The following ST8SIA4 variants were observed in gnomAD, a reference collection of about 807,000 sequenced individuals.
The protein encoded by ST8SIA4 is CMP-N-acetylneuraminate-poly-alpha-2,8-sialyltransferase.
Under a neutral mutation model 33.9 loss-of-function variants are expected in ST8SIA4, and 15 were observed. That is an observed-to-expected ratio of 0.44 (90% CI 0.30 to 0.68). The LOEUF (loss-of-function observed/expected upper bound fraction) is 0.68, where lower values mean the gene tolerates loss of function less well. Among genes scored for constraint, ST8SIA4 ranks in the 30% least tolerant of loss-of-function variants. The probability of loss-of-function intolerance (pLI) is 0.10; values close to 1 mark genes in which losing one functional copy is unlikely to be tolerated. For missense variants in ST8SIA4, 321 were observed against 428.0 expected (o/e 0.75, Z 2.21); for synonymous variants, 171 against 151.2 (o/e 1.13, Z -0.96).
At chr5:100,884,513 A>G (rs1752495030) in intron 3 of ST8SIA4, among the ~76,000 whole-genome samples, 1 of 152,238 alleles carries the variant, frequency 6.6e-6, no homozygotes, top group African/African-American at 2.4e-5. Context: ...ATTGCAGGGA[A>G]GTGAGATATA....
intron 3 of ST8SIA4, among the ~76,000 whole-genome samples, chr5:100,869,446 C>T (rs1280606795): frequency 2.0e-5 from 3 of 152,140 alleles, no homozygotes; most frequent in East Asian, 1.9e-4. Flanking sequence ...ATCATACCAT[C>T]GACACTAGGT....
intron 4 of ST8SIA4, 134 bp from the exon 5 acceptor site, chr5:100,812,263 T>A (rs1750831824): frequency 3.0e-6 from 2 of 674,802 alleles, no homozygotes; most frequent in African/African-American, 3.7e-5. Context: ...ACTGAAGAAA[T>A]ATTTTTAAGC....
At chr5:100,829,668 G>T (rs1190834019) in intron 4 of ST8SIA4, among the ~76,000 whole-genome samples, 1 of 152,150 alleles carries the variant, frequency 6.6e-6, no homozygotes, top group Non-Finnish European at 1.5e-5. Flanking sequence ...CCAGCACTTT[G>T]GGAGGCCGAA....
intron 4 of ST8SIA4, among the ~76,000 whole-genome samples, chr5:100,838,053 G>A (rs1751398779): frequency 6.6e-6 from 1 of 151,946 alleles, no homozygotes; most frequent in African/African-American, 2.4e-5. Flanking sequence ...TTAGAGAGCT[G>A]GATAAAACCA....
intron 4 of ST8SIA4, among the ~76,000 whole-genome samples, chr5:100,820,451 A>G (rs957548496): frequency 1.3e-5 from 2 of 152,034 alleles, no homozygotes; most frequent in African/African-American, 4.8e-5. Flanking sequence ...TAATTAATGT[A>G]TTTTTTCAAA....
At chr5:100,891,463 G>A (rs936852390) in intron 2 of ST8SIA4, among the ~76,000 whole-genome samples, 1 of 152,004 alleles carries the variant, frequency 6.6e-6, no homozygotes, top group Non-Finnish European at 1.5e-5. Flanking sequence ...AGCTCTGGAA[G>A]AATAAAACGT....
chr5:100,814,390 T>A (rs1176404042), intron 4 of ST8SIA4, among the ~76,000 whole-genome samples: 1 of 152,126 alleles, frequency 6.6e-6, no homozygotes, highest in East Asian at 1.9e-4. Flanking sequence ...GCTTTAGAAA[T>A]GCTAACAGAA....
At chr5:100,816,914 T>G (rs1156426692) in intron 4 of ST8SIA4, among the ~76,000 whole-genome samples, 1 of 151,632 alleles carries the variant, frequency 6.6e-6, no homozygotes. Context: ...TAATTTGAGA[T>G]ATTATAAAAT....
chr5:100,876,895 G>C (rs139255727), intron 3 of ST8SIA4, among the ~76,000 whole-genome samples: 1 of 151,814 alleles, frequency 6.6e-6, no homozygotes, highest in Non-Finnish European at 1.5e-5. Context: ...ATCATGTAAT[G>C]ATATTGACCA....
At chr5:100,838,842 A>G (rs959145871) in intron 4 of ST8SIA4, among the ~76,000 whole-genome samples, 3 of 152,032 alleles carry the variant, frequency 2.0e-5, no homozygotes, top group African/African-American at 7.2e-5. Context: ...GCAAATATGT[A>G]CAATAGAAAA....
intron 4 of ST8SIA4, among the ~76,000 whole-genome samples, chr5:100,819,620 C>G (rs27309): frequency 0.38 from 58,402 of 152,124 alleles, 12,378 homozygotes; most frequent in South Asian, 0.5. Context: ...GCAGAAGAGA[C>G]AGAAAATATT....
chr5:100,901,345 C>T (rs990175481), intron 1 of ST8SIA4, among the ~76,000 whole-genome samples: 1 of 152,182 alleles, frequency 6.6e-6, no homozygotes, highest in East Asian at 1.9e-4. Flanking sequence ...GCTTATCCTC[C>T]TAGCCCACGG....
intron 4 of ST8SIA4, among the ~76,000 whole-genome samples, chr5:100,834,621 T>C (rs1751327232): frequency 6.6e-6 from 1 of 152,090 alleles, no homozygotes; most frequent in Admixed American, 6.6e-5. Flanking sequence ...AGCCTCAACA[T>C]TGGATGTGGG....
chr5:100,885,091 G>T (rs923923972), intron 3 of ST8SIA4, among the ~76,000 whole-genome samples: 6 of 149,360 alleles, frequency 4.0e-5, no homozygotes, highest in African/African-American at 1.5e-4. Flanking sequence ...GCTATACTTC[G>T]CATAGACTTC....
chr5:100,865,394 G>A (rs1177358187), intron 3 of ST8SIA4, among the ~76,000 whole-genome samples: 2 of 152,028 alleles, frequency 1.3e-5, no homozygotes, highest in African/African-American at 4.8e-5. Flanking sequence ...TTTCCTTGTT[G>A]GCATTTTCTA....
At chr5:100,826,646 A>C (rs780437555) in intron 4 of ST8SIA4, among the ~76,000 whole-genome samples, 27 of 152,166 alleles carry the variant, frequency 1.8e-4, no homozygotes, top group Non-Finnish European at 3.4e-4. Flanking sequence ...TAACATTTTC[A>C]CATAACAAGC....
intron 3 of ST8SIA4, among the ~76,000 whole-genome samples, chr5:100,878,620 A>G (rs1297219522): frequency 6.6e-6 from 1 of 152,182 alleles, no homozygotes; most frequent in African/African-American, 2.4e-5. Context: ...TTCCTACAAT[A>G]AAAGAGTATA....
At chr5:100,862,125 C>T (rs996662674) in intron 3 of ST8SIA4, among the ~76,000 whole-genome samples, 4 of 152,102 alleles carry the variant, frequency 2.6e-5, no homozygotes, top group Non-Finnish European at 5.9e-5. Flanking sequence ...TACTTTTGAT[C>T]CCCTAGGAAT....
intron 3 of ST8SIA4, among the ~76,000 whole-genome samples, chr5:100,884,023 T>G (rs1316201150): frequency 3.9e-5 from 6 of 152,128 alleles, no homozygotes; most frequent in Non-Finnish European, 7.4e-5. Flanking sequence ...ATCCATCTGA[T>G]AGTTAGCAAT....
Sources: gnomAD v4.1 joint callset for allele counts (sites outside exome capture counted in the v4.1 genomes callset) on GRCh38, gnomAD v4.1.1 for gene constraint, MANE v1.5 for transcripts, NCBI Gene and HGNC (gene_info 2026-07-23, HGNC 2026-07-21) for gene names.